Variants in RPL4 observed in about 807,000 individuals in gnomAD.
RPL4 encodes large ribosomal subunit protein uL4.
RPL4 carries 3 observed loss-of-function variants against 47.7 expected under a neutral mutation model. The ratio of observed to expected loss-of-function variants is 0.06; its 90% CI spans 0.03 to 0.16. The LOEUF (loss-of-function observed/expected upper bound fraction) is 0.16, where lower values mean the gene tolerates loss of function less well. Ranked by LOEUF, RPL4 falls within the 10% of genes least tolerant of loss-of-function variation. The pLI is 1.00. For missense variants in RPL4, 413 were observed against 551.3 expected (o/e 0.75, Z 2.51); for synonymous variants, 208 against 182.1 (o/e 1.14, Z -1.15).
intron 1 of RPL4, among the ~76,000 whole-genome samples, chr15:66,504,531 G>A (rs968113374): frequency 3.9e-5 from 6 of 151,998 alleles, no homozygotes; most frequent in African/African-American, 7.2e-5. Context: ...TCTAACAGAA[G>A]GTCCCACTGC....
At chr15:66,502,496 A>G in intron 4 of RPL4, 116 bp downstream of exon 4, 1 of 1,094,178 alleles carries the variant, frequency 9.1e-7, no homozygotes, top group South Asian at 1.7e-5. Context: ...AAACATTCAA[A>G]TTATTCTCTT....
chr15:66,503,227 A>G lies in RPL4; in HGVS notation c.176-63T>C, dbSNP rs370196417. ...TCATACATACCAACCCATGACTATT[A>G]TGCATGGTAGCAAACAGCATCAGAA... On this transcript the variant is annotated intron_variant, in intron 2 of 9. Transcript: ENST00000307961. The G allele has an allele frequency of 1.1e-4, 170 of 1,589,048 alleles. No homozygotes were observed. In the African/African-American group the frequency reaches 1.9e-3, roughly 18 times the overall value.
chr15:66,501,170 T>G lies in RPL4; in HGVS notation c.677-65A>C. 4 of 1,595,976 alleles carry G rather than the reference T, an allele frequency of 2.5e-6. No homozygotes were observed. In the South Asian group the frequency reaches 4.5e-5, roughly 18 times the overall value. On this transcript the variant is annotated intron_variant, in intron 6 of 9. Coordinates refer to ENST00000307961, the MANE Select transcript of RPL4 (RefSeq NM_000968.4). Reference sequence around the variant, plus strand: ...ACAAAAGAAACACAAATCATCTTTATGGCTTAAGAGCTATAAAAGGTACCT... The same window carrying G: ...ACAAAAGAAACACAAATCATCTTTAGGGCTTAAGAGCTATAAAAGGTACCT...
chr15:66,501,160 A>G, intron 6 of RPL4, 55 bp from the exon 7 acceptor site: 1 of 1,596,226 alleles, frequency 6.3e-7, no homozygotes. Flanking sequence ...AGAAACACAA[A>G]TCATCTTTAT....
chr15:66,504,601 C>G (rs957304258), intron 1 of RPL4, among the ~76,000 whole-genome samples, 187 bp downstream of exon 1: 1 of 152,160 alleles, frequency 6.6e-6, no homozygotes, highest in South Asian at 2.1e-4. Flanking sequence ...TGCTGGGAAC[C>G]CCACGTTGCC....
Position 66,500,285 on chromosome 15 carries a change from C to T in RPL4, c.917+8G>A. On this transcript the variant is annotated splice_region_variant and intron_variant, in intron 8 of 9. Coordinates refer to ENST00000307961, the MANE Select transcript of RPL4 (RefSeq NM_000968.4). ...GGGGCGAGAATTACACTCTAAGTATCACTTTACCGTGGTGCTCGAAGGGCT... is the reference window on the plus strand; with the variant it reads ...GGGGCGAGAATTACACTCTAAGTATTACTTTACCGTGGTGCTCGAAGGGCT... 6.2e-7 allele frequency: 1 copy of T among 1,614,078 alleles called. No homozygotes were observed. Among genetic ancestry groups the T allele is most frequent in the Non-Finnish European group, 8.5e-7 (1 of 1,179,954 alleles).
Position 66,499,241 on chromosome 15 carries a change from G to C in RPL4, c.*166C>G. On this transcript the variant is annotated 3_prime_UTR_variant, in exon 10 of 10. Coordinates refer to ENST00000307961, the MANE Select transcript of RPL4 (RefSeq NM_000968.4). The stretch of plus-strand genomic sequence containing the variant: ...CATTTTATACCACACTATATAAAAT[G>C]TAACAGTCTAAATTATGGCCAACAA... The C allele has an allele frequency of 2.6e-6, 2 of 769,230 alleles. No homozygotes were observed. Among genetic ancestry groups the C allele is most frequent in the South Asian group, 1.8e-5 (1 of 56,252 alleles). The allele number at this position is 769,230 out of a possible 1,614,324, so 47.7% of individuals were successfully genotyped here.
Position 66,500,979 on chromosome 15 carries a change from C to T in RPL4, c.803G>A (p.Arg268His), listed in dbSNP as rs763214275. Residue 268 changes from arginine to histidine, a missense_variant, in exon 7 of 10, where the codon CGT (arginine) becomes CAT (histidine). Arg to His is a conservative substitution (Grantham distance 29). Around this residue, in one of 4 missense-constraint regions of RPL4, gnomAD observed 214 missense variants for 304.2 expected, o/e 0.70. Transcript: ENST00000307961. ...GTTACTCTTGAGGGAAGCGGCTTTA[C>T]GCCAAGTGCCGTACAATTCATCTAA... ...RKLDELYGTWRKAASLKSNYN... is the reference protein window; with the variant it reads ...RKLDELYGTWHKAASLKSNYN... 5 of 1,613,950 alleles carry T rather than the reference C, an allele frequency of 3.1e-6. No homozygotes were observed. Among genetic ancestry groups the T allele is most frequent in the East Asian group, 2.2e-5 (1 of 44,888 alleles).
chr15:66,503,295 G>A, intron 2 of RPL4, 63 bp downstream of exon 2: 2 of 1,598,622 alleles, frequency 1.3e-6, no homozygotes, highest in Non-Finnish European at 1.7e-6. Context: ...GACCAATGAA[G>A]TGGAATTTCA....
intron 4 of RPL4, 68 bp from the exon 5 acceptor site, chr15:66,501,980 T>C (rs1159120795): frequency 1.9e-6 from 3 of 1,563,640 alleles, no homozygotes; most frequent in Non-Finnish European, 1.7e-6. Flanking sequence ...AAATCAAACA[T>C]TTTATACAAC....
Position 66,504,807 on chromosome 15 carries a change from A to G in RPL4, c.-17T>C, listed in dbSNP as rs764840503. 11 of 1,611,544 alleles carry G rather than the reference A, an allele frequency of 6.8e-6. No homozygotes were observed. In the African/African-American group the frequency reaches 1.2e-4, roughly 18 times the overall value. ...ACTCACCATGGCGGAGAGAGGAGACAGCCACGCTCCTCTCAGCCCGGCTGC... is the reference window on the plus strand; with the variant it reads ...ACTCACCATGGCGGAGAGAGGAGACGGCCACGCTCCTCTCAGCCCGGCTGC... On this transcript the variant is annotated 5_prime_UTR_variant, in exon 1 of 10. Coordinates refer to ENST00000307961, the MANE Select transcript of RPL4 (RefSeq NM_000968.4).
At chr15:66,502,813 G>C in intron 3 of RPL4, 63 bp from the exon 4 acceptor site, 1 of 1,610,380 alleles carries the variant, frequency 6.2e-7, no homozygotes, top group Admixed American at 1.7e-5. Flanking sequence ...GTTATTTCTT[G>C]CTCAGTAAGA....
intron 4 of RPL4, chr15:66,502,233 CTAGTATT>C: frequency 2.4e-6 from 1 of 411,382 alleles, no homozygotes; most frequent in Non-Finnish European, 4.4e-6. Flanking sequence ...GTAGTCAGAC[CTAGTATT>C]TAGTAAAGGA....
In RPL4 at chr15:66,500,044, A is replaced by C. The variant is rs375252764; in HGVS notation, c.1038+12T>G. On this transcript the variant is annotated intron_variant, in intron 9 of 9. Transcript: ENST00000307961. ...ACTCAAAAACAAACAAACAAACAAA[A>C]ACTCCACTCACATTCCTGGCCTGGC... 3.8e-5 allele frequency: 61 copies of C among 1,611,006 alleles called. No homozygotes were observed. Among genetic ancestry groups the C allele is most frequent in the African/African-American group, 1.6e-4 (12 of 74,698 alleles).
chr15:66,499,240 T>C lies in RPL4; in HGVS notation c.*167A>G, dbSNP rs1459028953. The C allele has an allele frequency of 2.6e-6, 2 of 762,580 alleles. No individual in the cohort carries two copies. Among genetic ancestry groups the C allele is most frequent in the African/African-American group, 1.7e-5 (1 of 57,266 alleles). 47.2% of individuals were successfully genotyped at this position (762,580 alleles called of 1,614,324 possible). Reference sequence around the variant, plus strand: ...CCATTTTATACCACACTATATAAAATGTAACAGTCTAAATTATGGCCAACA... The same window carrying C: ...CCATTTTATACCACACTATATAAAACGTAACAGTCTAAATTATGGCCAACA... On this transcript the variant is annotated 3_prime_UTR_variant, in exon 10 of 10. Coordinates refer to ENST00000307961, the MANE Select transcript of RPL4 (RefSeq NM_000968.4).
rs777326869 is a variant in RPL4 at position 66,498,185 on chromosome 15, C to A, written c.*1222G>T. The stretch of plus-strand genomic sequence containing the variant: ...GAAGGCAGGCACCAAATCAGTAGCA[C>A]ATGAACTCTACTGTGTTAAGAGGCC... On this transcript the variant is annotated 3_prime_UTR_variant, in exon 10 of 10. Transcript: ENST00000307961. The A allele has an allele frequency of 4.4e-5, 8 of 181,636 alleles. No individual in the cohort carries two copies. Among genetic ancestry groups the A allele is most frequent in the Non-Finnish European group, 8.3e-5 (7 of 84,842 alleles). 11.3% of individuals were successfully genotyped at this position (181,636 alleles called of 1,614,324 possible). A position where few individuals can be genotyped will look rare whatever the true frequency, so the allele number is the denominator to read the frequency against.
intron 9 of RPL4, 61 bp from the exon 10 acceptor site, chr15:66,499,713 G>C: frequency 1.9e-6 from 3 of 1,596,568 alleles, no homozygotes; most frequent in Non-Finnish European, 2.6e-6. Flanking sequence ...TAATGTATCA[G>C]GAAGAGAAAA....
intron 3 of RPL4, 140 bp from the exon 4 acceptor site, chr15:66,502,890 G>T: frequency 7.2e-7 from 1 of 1,397,014 alleles, no homozygotes; most frequent in South Asian, 1.2e-5. Context: ...AGAGTAAGAC[G>T]CAAATTACGA....
At chr15:66,504,340 C>G (rs1893702198) in intron 1 of RPL4, among the ~76,000 whole-genome samples, 1 of 152,166 alleles carries the variant, frequency 6.6e-6, no homozygotes, top group African/African-American at 2.4e-5. Flanking sequence ...TATATACGAA[C>G]ACTATTTGTG....
Sources: allele counts gnomAD v4.1 joint callset (sites outside exome capture counted in the v4.1 genomes callset), GRCh38; gene constraint gnomAD v4.1.1; regional missense constraint gnomAD v4.1.1; transcripts MANE v1.5; gene names NCBI Gene and HGNC (gene_info 2026-07-23, HGNC 2026-07-21).